Variants in GAS7 observed in about 807,000 individuals in gnomAD.
GAS7 encodes the protein growth arrest specific 7, also known as growth arrest-specific protein 7.
In GAS7, 28 loss-of-function variants were observed where a neutral mutation model predicts 71.1. The ratio of observed to expected loss-of-function variants is 0.39; its 90% CI spans 0.29 to 0.54. GAS7 has a LOEUF of 0.54. Ranked by LOEUF, GAS7 falls within the 20% of genes least tolerant of loss-of-function variation. The pLI is 0.62. For missense variants in GAS7, 436 were observed against 627.8 expected, an observed-to-expected ratio of 0.69 and a Z score of 3.27; for synonymous variants, 258 against 245.8, an observed-to-expected ratio of 1.05 and a Z score of -0.46.
At chr17:10,174,299 T>A (rs2074355596) in intron 1 of GAS7, among the ~76,000 whole-genome samples, 1 of 152,128 alleles carries the variant, frequency 6.6e-6, no homozygotes, top group African/African-American at 2.4e-5. Flanking sequence ...TGAGTAGAGA[T>A]TAGAGGGATA....
At chr17:10,185,237 T>C (rs1010105404) in intron 1 of GAS7, among the ~76,000 whole-genome samples, 1 of 152,194 alleles carries the variant, frequency 6.6e-6, no homozygotes, top group African/African-American at 2.4e-5. Flanking sequence ...TAAAAACTCT[T>C]GAACAAGATT....
chr17:10,010,749 T>G lies in GAS7; in HGVS notation c.304+9028A>C, dbSNP rs1463106148. 2.6e-5 allele frequency among the ~76,000 whole-genome samples: 4 copies of G among 152,232 alleles called. No individual in the cohort carries two copies. In the East Asian group the frequency reaches 7.7e-4, roughly 29 times the overall value. The stretch of plus-strand genomic sequence containing the variant: ...ATCTATCATAAAGCCTATTTTGTAG[T>G]GAAGTGTTATACATCTCTTGTAATT... On this transcript the variant is annotated intron_variant, in intron 2 of 13. Coordinates refer to ENST00000432992, the MANE Select transcript of GAS7 (RefSeq NM_201433.2).
At chr17:10,196,763 C>G (rs1398488893) in intron 1 of GAS7, among the ~76,000 whole-genome samples, 4 of 152,174 alleles carry the variant, frequency 2.6e-5, no homozygotes, top group Non-Finnish European at 5.9e-5. Flanking sequence ...TCCCAAAATA[C>G]GTATCTATCC....
In GAS7 at chr17:10,174,717, A is replaced by T. The variant is rs184734268; in HGVS notation, c.183+23491T>A. Among the ~76,000 whole-genome samples the T allele has an allele frequency of 5.3e-5, 8 of 152,208 alleles. No individual in the cohort carries two copies. The East Asian group carries it at 1.5e-3, about 29-fold the overall frequency. ...AAAAAAAATAATTAAAAAAAATAAA[A>T]AACAATTCTGGATTGAAGCCCAGAG... is the stretch of plus-strand genomic sequence containing the variant. On this transcript the variant is annotated intron_variant, in intron 1 of 13. Coordinates refer to ENST00000432992, the MANE Select transcript of GAS7 (RefSeq NM_201433.2).
intron 1 of GAS7, among the ~76,000 whole-genome samples, chr17:10,087,692 G>A (rs2073534602): frequency 2.0e-5 from 3 of 152,230 alleles, no homozygotes; most frequent in Admixed American, 2.0e-4. Context: ...ATGGGGTCCT[G>A]GGGGAGATTG....
intron 2 of GAS7, among the ~76,000 whole-genome samples, chr17:10,016,031 GC>G (rs2152198733): frequency 6.6e-6 from 1 of 152,286 alleles, no homozygotes; most frequent in Non-Finnish European, 1.5e-5. Flanking sequence ...GACTCACTCT[GC>G]CTGGTACATA....
At chr17:10,164,625 T>C (rs1315425826) in intron 1 of GAS7, among the ~76,000 whole-genome samples, 1 of 151,424 alleles carries the variant, frequency 6.6e-6, no homozygotes, top group South Asian at 2.1e-4. Flanking sequence ...TGATCATACC[T>C]GTGAATAGCC....
At position 9,974,476 on chromosome 17, in the gene GAS7, C is replaced by T. The variant is rs903107747; in HGVS notation, c.386-4714G>A. ...AAGAAAAATGAAATTGGTCAAGGAT[C>T]GCTCATAAAGGGAACATAATTCAGT... On this transcript the variant is annotated intron_variant, in intron 3 of 13. Transcript: ENST00000432992. This position sits in a 1 kb window ranked among gnomAD's most constrained non-coding sequence, Gnocchi z 4.0. Among the ~76,000 whole-genome samples, 7 of 151,296 alleles carry T rather than the reference C, an allele frequency of 4.6e-5. No homozygotes were observed. Among genetic ancestry groups the T allele is most frequent in the African/African-American group, 1.7e-4 (7 of 41,082 alleles).
intron 1 of GAS7, among the ~76,000 whole-genome samples, chr17:10,164,399 G>A (rs1473583595): frequency 6.8e-6 from 1 of 147,050 alleles, no homozygotes; most frequent in Non-Finnish European, 1.5e-5. Flanking sequence ...CCGAGTTCAC[G>A]CCACTGCACT....
intron 1 of GAS7, among the ~76,000 whole-genome samples, chr17:10,166,068 G>A (rs1042503427): frequency 6.0e-5 from 9 of 151,182 alleles, no homozygotes; most frequent in Middle Eastern, 3.4e-3. Flanking sequence ...TGTCATCCAG[G>A]CTGAAGGGCA....
chr17:10,172,090 C>T (rs2074339301), intron 1 of GAS7, among the ~76,000 whole-genome samples: 1 of 152,202 alleles, frequency 6.6e-6, no homozygotes, highest in Admixed American at 6.5e-5. Context: ...CTGCTGCTTT[C>T]CCCTAAGTGT....
chr17:10,091,391 T>C (rs1567587792), intron 1 of GAS7, among the ~76,000 whole-genome samples: 1 of 151,698 alleles, frequency 6.6e-6, no homozygotes, highest in Non-Finnish European at 1.5e-5. Flanking sequence ...CTTTTTTGGG[T>C]TTTGTTTGTT....
chr17:9,917,548 C>T (rs1482224688), intron 13 of GAS7, among the ~76,000 whole-genome samples: 2 of 152,222 alleles, frequency 1.3e-5, no homozygotes, highest in Non-Finnish European at 2.9e-5. Flanking sequence ...CCCTGCTTCT[C>T]ACCCTGCAGA....
intron 1 of GAS7, among the ~76,000 whole-genome samples, chr17:10,125,557 C>T (rs987429296): frequency 7.3e-6 from 1 of 137,444 alleles, no homozygotes; most frequent in Non-Finnish European, 1.6e-5. Context: ...AAAGGTCAAA[C>T]AACTGTGTGT....
intron 1 of GAS7, among the ~76,000 whole-genome samples, chr17:10,041,131 C>CG (rs1322707933): frequency 6.9e-6 from 1 of 145,960 alleles, no homozygotes; most frequent in African/African-American, 2.5e-5. Flanking sequence ...AGCTGCACTC[C>CG]GGCCTGAGTG....
At chr17:10,096,071 C>T (rs1488122536) in intron 1 of GAS7, among the ~76,000 whole-genome samples, 2 of 152,144 alleles carry the variant, frequency 1.3e-5, no homozygotes, top group African/African-American at 2.4e-5. Context: ...CCCTCAGCAG[C>T]GTCTCTGCAG....
At chr17:10,156,479 C>T (rs1257147548) in intron 1 of GAS7, among the ~76,000 whole-genome samples, 1 of 152,196 alleles carries the variant, frequency 6.6e-6, no homozygotes, top group Non-Finnish European at 1.5e-5. Context: ...TGTGTTTTAA[C>T]ATGGGACAAA....
At chr17:9,992,253 A>AC (rs1455155048) in intron 2 of GAS7, among the ~76,000 whole-genome samples, 1 of 151,060 alleles carries the variant, frequency 6.6e-6, no homozygotes, top group Non-Finnish European at 1.5e-5. Context: ...AATTTAAGGA[A>AC]CCCCCCAGAT....
In GAS7 at chr17:10,102,681, T is replaced by C. The variant is rs1006568992; in HGVS notation, c.184-82784A>G. Among the ~76,000 whole-genome samples the C allele has an allele frequency of 2.2e-4, 33 of 152,018 alleles. 1 individual carries two copies. The highest frequency in any genetic ancestry group is 8.0e-4 in the African/African-American group (33 of 41,482). ...AATTACCAGAGGAGATTTTTTAAAG[T>C]AGGGTACCCAGGACACACTCTATAC... On this transcript the variant is annotated intron_variant, in intron 1 of 13. Transcript: ENST00000432992.
Sources: gnomAD v4.1 joint callset for allele counts (sites outside exome capture counted in the v4.1 genomes callset) on GRCh38, gnomAD v4.1.1 for gene constraint, Gnocchi (gnomAD v3.1) non-coding constraint, MANE v1.5 for transcripts, NCBI Gene and HGNC (gene_info 2026-07-23, HGNC 2026-07-21) for gene names.